Variants in CRYBG1 observed in about 807,000 individuals in gnomAD.
CRYBG1 encodes beta/gamma crystallin domain-containing protein 1.
CRYBG1 carries 139 observed loss-of-function variants against 189.2 expected under a neutral mutation model. The ratio of observed to expected loss-of-function variants is 0.73; its 90% CI spans 0.64 to 0.85. CRYBG1 has a LOEUF of 0.85. Ranked by LOEUF, CRYBG1 falls within the 40% of genes least tolerant of loss-of-function variation. The pLI is 0.00. For missense variants in CRYBG1, 2,611 were observed against 2,675.8 expected (o/e 0.98, Z 0.53); for synonymous variants, 1,023 against 1,017.1 (o/e 1.01, Z -0.11).
intron 1 of CRYBG1, among the ~76,000 whole-genome samples, chr6:106,395,905 C>A (rs1770597153): frequency 1.3e-5 from 2 of 152,258 alleles, no homozygotes; most frequent in South Asian, 4.1e-4. Flanking sequence ...AAGCCCTAGG[C>A]AAATGATAAC....
At chr6:106,369,236 C>T (rs1346311657) in intron 1 of CRYBG1, among the ~76,000 whole-genome samples, 1 of 152,130 alleles carries the variant, frequency 6.6e-6, no homozygotes, top group Non-Finnish European at 1.5e-5. Flanking sequence ...AAGGTTGCAC[C>T]CATAGCTAAC....
chr6:106,520,804 TCTTC>T lies in CRYBG1; in HGVS notation c.3597_3600del (p.Phe1200SerfsTer15), dbSNP rs1179942680. 1 of 1,613,984 alleles carries T rather than the reference TCTTC, an allele frequency of 6.2e-7. No homozygotes were observed. Among genetic ancestry groups the T allele is most frequent in the Non-Finnish European group, 8.5e-7 (1 of 1,180,016 alleles). ...CGTGCATCTGCTGAACAGAGCGTCC[TCTTC>T]AAGTCCCTGCACACCAACACTAATG... is the stretch of plus-strand genomic sequence containing the variant. On this transcript the variant is annotated frameshift_variant, in exon 4 of 22. Transcript: ENST00000633556. LOFTEE classifies it high-confidence loss of function.
At position 106,480,902 on chromosome 6, in the gene CRYBG1, C is replaced by T. The variant is rs145995512; in HGVS notation, c.312+29070C>T. Among the ~76,000 whole-genome samples the T allele has an allele frequency of 5.3e-3, 764 of 145,456 alleles. 35 individuals are homozygous for T. The East Asian group carries it at 0.11, about 22-fold the overall frequency. ...ATGAGAAGCGCTTGAACCTGGGAGGCGGAGGTTGCAGTGAGCTGAGATCAT... is the reference window on the plus strand; with the variant it reads ...ATGAGAAGCGCTTGAACCTGGGAGGTGGAGGTTGCAGTGAGCTGAGATCAT... On this transcript the variant is annotated intron_variant, in intron 2 of 21. Transcript: ENST00000633556.
chr6:106,500,189 G>A (rs112406403), intron 2 of CRYBG1, among the ~76,000 whole-genome samples: 5 of 152,230 alleles, frequency 3.3e-5, no homozygotes, highest in African/African-American at 1.2e-4. Flanking sequence ...GTACCCAGAA[G>A]CAGGATTGCT....
At chr6:106,518,998 C>CACACACAT in intron 3 of CRYBG1, 133 bp from the exon 4 acceptor site, 1 of 954,840 alleles carries the variant, frequency 1.0e-6, no homozygotes, top group Admixed American at 2.8e-5. Context: ...CACATACACA[C>CACACACAT]ACACACACAC....
chr6:106,483,018 A>G (rs941762809), intron 2 of CRYBG1, among the ~76,000 whole-genome samples: 2 of 152,210 alleles, frequency 1.3e-5, no homozygotes, highest in East Asian at 1.9e-4. Context: ...TCTTCTAGCT[A>G]TTTTGTAATA....
intron 2 of CRYBG1, among the ~76,000 whole-genome samples, chr6:106,492,266 T>G (rs907464158): frequency 6.6e-6 from 1 of 152,180 alleles, no homozygotes; most frequent in African/African-American, 2.4e-5. Context: ...CCATACTGAG[T>G]ACATGGTAGG....
intron 7 of CRYBG1, 130 bp from the exon 8 acceptor site, chr6:106,530,046 G>T: frequency 1.3e-6 from 1 of 799,372 alleles, no homozygotes; most frequent in Admixed American, 3.3e-5. Context: ...TAAAATGGCA[G>T]GTGCTCTGTG....
intron 6 of CRYBG1, among the ~76,000 whole-genome samples, chr6:106,525,715 G>A (rs770171635): frequency 5.8e-4 from 88 of 152,166 alleles, no homozygotes; most frequent in Admixed American, 1.4e-3. Flanking sequence ...CTTTAAATGA[G>A]GTTGATAAGA....
At chr6:106,421,519 C>A (rs547434642) in intron 1 of CRYBG1, among the ~76,000 whole-genome samples, 2 of 152,216 alleles carry the variant, frequency 1.3e-5, no homozygotes, top group Non-Finnish European at 2.9e-5. Context: ...GTTCGGAGGG[C>A]TTTTAGTACC....
intron 1 of CRYBG1, among the ~76,000 whole-genome samples, chr6:106,384,891 C>CTCAAACTCTTTTGAA (rs1562292482): frequency 3.6e-5 from 3 of 84,388 alleles, no homozygotes; most frequent in Admixed American, 1.2e-4. Context: ...GTTTGGGGTG[C>CTCAAACTCTTTTGAA]AGTCTCTTTC....
At chr6:106,453,859 G>GCGGAGGCTTGAAGC (rs1771832227) in intron 2 of CRYBG1, among the ~76,000 whole-genome samples, 1 of 152,180 alleles carries the variant, frequency 6.6e-6, no homozygotes. Flanking sequence ...CCTGGGAGAG[G>GCGGAGGCTTGAAGC]CGGAGGCTTG....
chr6:106,378,335 G>A (rs1770213954), intron 1 of CRYBG1, among the ~76,000 whole-genome samples: 3 of 152,148 alleles, frequency 2.0e-5, no homozygotes, highest in Non-Finnish European at 4.4e-5. Context: ...AGCTGGTACG[G>A]GGCATTCCCA....
At chr6:106,416,999 CTTTTT>C (rs71663353) in intron 1 of CRYBG1, among the ~76,000 whole-genome samples, 16 of 69,504 alleles carry the variant, frequency 2.3e-4, no homozygotes, top group Admixed American at 1.6e-3. Flanking sequence ...ATGGGATTTA[CTTTTT>C]TTTTTTTTTT....
intron 8 of CRYBG1, among the ~76,000 whole-genome samples, chr6:106,534,103 C>T (rs1360752326): frequency 6.6e-6 from 1 of 152,056 alleles, no homozygotes; most frequent in Admixed American, 6.5e-5. Context: ...GGTTGAGAAA[C>T]ACCACTTTCC....
At chr6:106,505,514 C>T (rs185554572) in intron 2 of CRYBG1, among the ~76,000 whole-genome samples, 1 of 152,282 alleles carries the variant, frequency 6.6e-6, no homozygotes, top group Admixed American at 6.5e-5. Context: ...CAGGCGTGAA[C>T]CACCATGCCT....
At chr6:106,440,954 G>A (rs571119572) in intron 1 of CRYBG1, among the ~76,000 whole-genome samples, 18 of 152,058 alleles carry the variant, frequency 1.2e-4, no homozygotes, top group Non-Finnish European at 2.1e-4. Context: ...GATTTATAAC[G>A]ATGTCCTTTT....
intron 3 of CRYBG1, among the ~76,000 whole-genome samples, chr6:106,515,155 G>A (rs1773388259): frequency 6.6e-6 from 1 of 152,190 alleles, no homozygotes; most frequent in African/African-American, 2.4e-5. Flanking sequence ...AGTGCTGAAT[G>A]TTGAAATTCT....
chr6:106,565,001 C>CTA (rs537100398), intron 21 of CRYBG1, among the ~76,000 whole-genome samples: 244 of 152,052 alleles, frequency 1.6e-3, no homozygotes, highest in African/African-American at 5.7e-3. Context: ...GGATTTAGGC[C>CTA]AATGCTGTCA....
Sources: allele counts gnomAD v4.1 joint callset (sites outside exome capture counted in the v4.1 genomes callset), GRCh38; gene constraint gnomAD v4.1.1; transcripts MANE v1.5; gene names NCBI Gene and HGNC (gene_info 2026-07-23, HGNC 2026-07-21).